The following SRSF3 variants were observed in gnomAD, a reference collection of about 807,000 sequenced individuals.
The protein encoded by SRSF3 is serine/arginine-rich splicing factor 3.
For missense variants in SRSF3, 58 were observed against 217.1 expected (o/e 0.27, Z 4.61); for synonymous variants, 87 against 73.6 (o/e 1.18, Z -0.93).
chr6:36,597,876 A>C (rs988386156), intron 2 of SRSF3, among the ~76,000 whole-genome samples: 1 of 151,430 alleles, frequency 6.6e-6, no homozygotes, highest in Non-Finnish European at 1.5e-5. Flanking sequence ...TATTTAAAAA[A>C]TAATACAGAC....
rs546463713 is a variant in SRSF3 at position 36,603,864 on chromosome 6, A to G, written c.*1875A>G. The G allele has an allele frequency of 3.0e-5, 7 of 231,274 alleles. No individual in the cohort carries two copies. In the East Asian group the frequency reaches 4.3e-4, roughly 14 times the overall value. The allele number at this position is 231,274 out of a possible 1,614,324, so 14.3% of individuals were successfully genotyped here. A position where few individuals can be genotyped will look rare whatever the true frequency, so the allele number is the denominator to read the frequency against. Reference sequence around the variant, plus strand: ...TTTGGGCAGTATATGACTTCCTTGCAGGCTCTTAAGTTGGAAGGGTTTCTG... The same window carrying G: ...TTTGGGCAGTATATGACTTCCTTGCGGGCTCTTAAGTTGGAAGGGTTTCTG... On this transcript the variant is annotated 3_prime_UTR_variant, in exon 6 of 6. Coordinates refer to ENST00000373715, the MANE Select transcript of SRSF3 (RefSeq NM_003017.5).
At chr6:36,599,125 G>A (rs1249217590) in intron 3 of SRSF3, 142 bp downstream of exon 3, 2 of 1,048,446 alleles carry the variant, frequency 1.9e-6, no homozygotes, top group Non-Finnish European at 2.7e-6. Context: ...GTGTAATTTG[G>A]GGTATGTGAG....
chr6:36,597,197 C>A (rs550395005), intron 2 of SRSF3: 58 of 548,504 alleles, frequency 1.1e-4, no homozygotes, highest in Middle Eastern at 4.8e-4. Flanking sequence ...CCTCGGCCTC[C>A]GGGGTTCAAG....
chr6:36,599,914 G>C, intron 3 of SRSF3: 1 of 1,350,138 alleles, frequency 7.4e-7, no homozygotes, highest in East Asian at 4.6e-5. Context: ...GCCCCATTCA[G>C]CTTGGCTGGT....
rs368605638 is a variant in SRSF3, at chr6:36,604,637, G to A, written c.*2648G>A. Reference sequence around the variant, plus strand: ...CGTCCATGACACTCCCACCCTGTTAGACTGCTGTCAGTGGCTTTCACACAA... The same window carrying A: ...CGTCCATGACACTCCCACCCTGTTAAACTGCTGTCAGTGGCTTTCACACAA... On this transcript the variant is annotated 3_prime_UTR_variant, in exon 6 of 6. Coordinates refer to ENST00000373715, the MANE Select transcript of SRSF3 (RefSeq NM_003017.5). 2.7e-4 allele frequency: 45 copies of A among 165,946 alleles called. No individual in the cohort carries two copies. The East Asian group carries it at 5.3e-3, about 20-fold the overall frequency. The allele number at this position is 165,946 out of a possible 1,614,324, so 10.3% of individuals were successfully genotyped here.
rs1778764337 is a variant in SRSF3, at chr6:36,603,818, T to G, written c.*1829T>G. ...TGTCAATTACATTGCTTTTTATAAATGGACAACTTATGTGGGCATTTTTGG... is the reference window on the plus strand; with the variant it reads ...TGTCAATTACATTGCTTTTTATAAAGGGACAACTTATGTGGGCATTTTTGG... On this transcript the variant is annotated 3_prime_UTR_variant, in exon 6 of 6. Coordinates refer to ENST00000373715, the MANE Select transcript of SRSF3 (RefSeq NM_003017.5). The G allele has an allele frequency of 4.3e-6, 1 of 231,618 alleles. No individual in the cohort carries two copies. Among genetic ancestry groups the G allele is most frequent in the Non-Finnish European group, 8.5e-6 (1 of 117,162 alleles). The allele number at this position is 231,618 out of a possible 1,614,324, so 14.3% of individuals were successfully genotyped here.
chr6:36,595,258 C>T (rs960593568), intron 1 of SRSF3, among the ~76,000 whole-genome samples: 1 of 152,104 alleles, frequency 6.6e-6, no homozygotes, highest in South Asian at 2.1e-4. Context: ...CGAAGTGACT[C>T]AGTAATAAAG....
chr6:36,594,801 C>T (rs1309028752), intron 1 of SRSF3: 1 of 151,362 alleles, frequency 6.6e-6, no homozygotes, highest in Non-Finnish European at 1.5e-5. Flanking sequence ...TTTTTGGCCC[C>T]TCATTTAATT....
At chr6:36,599,968 G>A (rs900916864) in intron 3 of SRSF3, 1 of 1,307,228 alleles carries the variant, frequency 7.6e-7, no homozygotes, top group Admixed American at 2.2e-5. Context: ...AGGTTGCACC[G>A]CCCTTTGGTT....
chr6:36,599,030 C>T (rs373980958), intron 3 of SRSF3, 47 bp downstream of exon 3: 48 of 1,593,798 alleles, frequency 3.0e-5, no homozygotes, highest in Non-Finnish European at 4.0e-5. Flanking sequence ...AATGGAGTAG[C>T]TAGTAGGAGC....
chr6:36,602,971 A>C lies in SRSF3; in HGVS notation c.*982A>C, dbSNP rs995167988. On this transcript the variant is annotated 3_prime_UTR_variant, in exon 6 of 6. Coordinates refer to ENST00000373715, the MANE Select transcript of SRSF3 (RefSeq NM_003017.5). ...CCATTGTTCTTATCCCATGGGAAGC[A>C]GTTGGTTACACGATTCTTATTTTAT... 2.8e-5 allele frequency: 6 copies of C among 217,636 alleles called. No homozygotes were observed. Among genetic ancestry groups the C allele is most frequent in the Non-Finnish European group, 5.5e-5 (6 of 108,128 alleles). The allele number at this position is 217,636 out of a possible 1,614,324, so 13.5% of individuals were successfully genotyped here. A position where few individuals can be genotyped will look rare whatever the true frequency, so the allele number is the denominator to read the frequency against.
Position 36,604,898 on chromosome 6 carries a change from T to C in SRSF3, c.*2909T>C, listed in dbSNP as rs1007228253. On this transcript the variant is annotated 3_prime_UTR_variant, in exon 6 of 6. Transcript: ENST00000373715. The stretch of plus-strand genomic sequence containing the variant: ...GTATTTTGTCCAAGTATGCTTTTTT[T>C]CAGAGTTCTGAATGAGATTTAGTTG... The C allele has an allele frequency of 2.0e-5, 3 of 152,244 alleles. No individual in the cohort carries two copies. Among genetic ancestry groups the C allele is most frequent in the South Asian group, 2.1e-4 (1 of 4,836 alleles). The allele number at this position is 152,244 out of a possible 1,614,324, so 9.4% of individuals were successfully genotyped here. A position where few individuals can be genotyped will look rare whatever the true frequency, so the allele number is the denominator to read the frequency against.
intron 2 of SRSF3, among the ~76,000 whole-genome samples, chr6:36,597,832 T>C (rs1191300360): frequency 6.6e-6 from 1 of 150,680 alleles, no homozygotes; most frequent in African/African-American, 2.4e-5. Context: ...TACTGTGAGC[T>C]ATAATTTCTT....
At chr6:36,596,155 C>T (rs1237257426) in intron 1 of SRSF3, among the ~76,000 whole-genome samples, 1 of 152,110 alleles carries the variant, frequency 6.6e-6, no homozygotes, top group Non-Finnish European at 1.5e-5. Context: ...AACTCCTGAC[C>T]TCGTGATTCG....
At position 36,604,945 on chromosome 6, in the gene SRSF3, T is replaced by C. The variant is rs1778786673; in HGVS notation, c.*2956T>C. On this transcript the variant is annotated 3_prime_UTR_variant, in exon 6 of 6. Coordinates refer to ENST00000373715, the MANE Select transcript of SRSF3 (RefSeq NM_003017.5). ...GTTGTCATACCTAGTTGGTGGTAATTTCTTAGTTGTATATTTTTGTACTAC... is the reference window on the plus strand; with the variant it reads ...GTTGTCATACCTAGTTGGTGGTAATCTCTTAGTTGTATATTTTTGTACTAC... 6.6e-6 allele frequency: 1 copy of C among 152,194 alleles called. No individual in the cohort carries two copies. Among genetic ancestry groups the C allele is most frequent in the South Asian group, 2.1e-4 (1 of 4,830 alleles). 9.4% of individuals were successfully genotyped at this position (152,194 alleles called of 1,614,324 possible). A position where few individuals can be genotyped will look rare whatever the true frequency, so the allele number is the denominator to read the frequency against.
intron 2 of SRSF3, chr6:36,597,314 C>T (rs897621056): frequency 3.7e-6 from 1 of 269,146 alleles, no homozygotes; most frequent in Non-Finnish European, 7.2e-6. Context: ...CCATGTTGGC[C>T]AGGCTGGTCT....
chr6:36,601,636 GC>G, intron 4 of SRSF3, 71 bp from the exon 5 acceptor site: 1 of 1,400,404 alleles, frequency 7.1e-7, no homozygotes, highest in South Asian at 1.3e-5. Context: ...GAGTCACCAT[GC>G]CAGATCAAGA....
At chr6:36,601,829 C>G in intron 5 of SRSF3, 35 bp downstream of exon 5, 1 of 1,604,026 alleles carries the variant, frequency 6.2e-7, no homozygotes, top group Non-Finnish European at 8.5e-7. Flanking sequence ...TAAGACTTTG[C>G]ATACATAGTA....
intron 1 of SRSF3, among the ~76,000 whole-genome samples, chr6:36,595,141 C>T (rs1399522757): frequency 6.6e-6 from 1 of 152,016 alleles, no homozygotes; most frequent in Non-Finnish European, 1.5e-5. Flanking sequence ...TTAGACAAGC[C>T]CAGAGTAAGA....
Sources: gnomAD v4.1 joint callset for allele counts (sites outside exome capture counted in the v4.1 genomes callset) on GRCh38, gnomAD v4.1.1 for gene constraint, MANE v1.5 for transcripts, NCBI Gene and HGNC (gene_info 2026-07-23, HGNC 2026-07-21) for gene names.